The following RTN1 variants were observed in gnomAD, a reference collection of about 807,000 sequenced individuals.
RTN1 encodes reticulon-1.
In RTN1, 25 loss-of-function variants were observed where a neutral mutation model predicts 65.5. The observed-to-expected ratio is 0.38, with a 90% confidence interval of 0.28 to 0.53. RTN1 has a LOEUF of 0.53. Among genes scored for constraint, RTN1 ranks in the 20% least tolerant of loss-of-function variants. The pLI is 0.79. For missense variants in RTN1, 983 were observed against 1,025.4 expected, an observed-to-expected ratio of 0.96 and a Z score of 0.57; for synonymous variants, 471 against 447.6, an observed-to-expected ratio of 1.05 and a Z score of -0.66.
chr14:59,748,743 G>A (rs1231804848), intron 1 of RTN1, among the ~76,000 whole-genome samples: 1 of 151,686 alleles, frequency 6.6e-6, no homozygotes, highest in Non-Finnish European at 1.5e-5. Flanking sequence ...AACAGGGCCT[G>A]ATGAATAGTA....
rs544472237 is a variant in RTN1, at chr14:59,758,411, C to T, written c.242-11930G>A. Among the ~76,000 whole-genome samples the T allele has an allele frequency of 5.9e-5, 9 of 152,300 alleles. No individual in the cohort carries two copies. In the South Asian group the frequency reaches 1.7e-3, roughly 28 times the overall value. ...TCCTCTTCAGCAGGGTCCCAGCCTG[C>T]CTTTAGGGTTTTATTTCTGAGACTG... On this transcript the variant is annotated intron_variant, in intron 1 of 8. Coordinates refer to ENST00000267484, the MANE Select transcript of RTN1 (RefSeq NM_021136.3).
At chr14:59,779,101 G>T (rs868064496) in intron 1 of RTN1, among the ~76,000 whole-genome samples, 29 of 152,074 alleles carry the variant, frequency 1.9e-4, no homozygotes, top group Non-Finnish European at 3.2e-4. Flanking sequence ...TAAGGACCAG[G>T]ACCAGGGAAA....
intron 1 of RTN1, among the ~76,000 whole-genome samples, chr14:59,763,915 A>C (rs964856196): frequency 4.6e-5 from 7 of 152,230 alleles, no homozygotes; most frequent in African/African-American, 1.7e-4. Context: ...TACCTAGGTG[A>C]TGACCAAAAA....
intron 1 of RTN1, among the ~76,000 whole-genome samples, chr14:59,835,733 C>T (rs933731253): frequency 1.3e-5 from 2 of 152,114 alleles, no homozygotes; most frequent in African/African-American, 4.8e-5. Context: ...TATGTTAAGG[C>T]TGTGATTATG....
chr14:59,864,567 G>C (rs55727750), intron 1 of RTN1, among the ~76,000 whole-genome samples: 35,414 of 151,676 alleles, frequency 0.23, 4,479 homozygotes, highest in East Asian at 0.56. Context: ...AAAAAGTATA[G>C]TTTATGGATG....
chr14:59,820,516 G>C (rs912446687), intron 1 of RTN1, among the ~76,000 whole-genome samples: 34 of 151,816 alleles, frequency 2.2e-4, no homozygotes, highest in African/African-American at 8.0e-4. Context: ...TTTTCTTCTA[G>C]GTTTTTATAG....
rs966430316 is a variant in RTN1, at chr14:59,849,758, T to G, written c.241+20632A>C. 2.6e-5 allele frequency among the ~76,000 whole-genome samples: 4 copies of G among 152,220 alleles called. No homozygotes were observed. Among genetic ancestry groups the G allele is most frequent in the Non-Finnish European group, 5.9e-5 (4 of 68,026 alleles). On this transcript the variant is annotated intron_variant, in intron 1 of 8. Coordinates refer to ENST00000267484, the MANE Select transcript of RTN1 (RefSeq NM_021136.3). The surrounding 1 kb of genome is among the most constrained non-coding windows in gnomAD (Gnocchi z 4.5). ...TCATAAACATGTGAATTACAATTTCTAAGGGAAGTAAAGCCAAGAACTCCC... is the reference window on the plus strand; with the variant it reads ...TCATAAACATGTGAATTACAATTTCGAAGGGAAGTAAAGCCAAGAACTCCC...
intron 1 of RTN1, among the ~76,000 whole-genome samples, chr14:59,827,673 T>G (rs1410138959): frequency 6.6e-6 from 1 of 152,174 alleles, no homozygotes; most frequent in Non-Finnish European, 1.5e-5. Context: ...TGCCTATCCC[T>G]CACAAATAAT....
intron 3 of RTN1, among the ~76,000 whole-genome samples, chr14:59,675,978 AT>A (rs1035568288): frequency 6.6e-6 from 1 of 152,006 alleles, no homozygotes; most frequent in Non-Finnish European, 1.5e-5. Flanking sequence ...CCCACTCCCC[AT>A]TTAATGCTGT....
At chr14:59,627,679 C>T (rs1323025715) in intron 3 of RTN1, among the ~76,000 whole-genome samples, 2 of 152,126 alleles carry the variant, frequency 1.3e-5, no homozygotes, top group African/African-American at 2.4e-5. Context: ...GGACTTTAGC[C>T]TCCCTTTCTT....
chr14:59,841,075 A>T (rs915827881), intron 1 of RTN1, among the ~76,000 whole-genome samples: 4 of 152,216 alleles, frequency 2.6e-5, no homozygotes, highest in Admixed American at 2.6e-4. Flanking sequence ...TCTGGATAAT[A>T]ATATATACCT....
Position 59,605,462 on chromosome 14 carries a change from T to C in RTN1, c.2018A>G (p.Gln673Arg). Reference protein sequence around the residue: ...LEITLSQEQIQKYTDCLQFYV... With the variant: ...LEITLSQEQIRKYTDCLQFYV... ...GAACTGCAGGCAGTCCGTGTACTTC[T>C]GAATCTGCTCCTGAGAAAGGGTGAT... The change falls in exon 5 of 9, where the codon CAG (glutamine) becomes CGG (arginine). Residue 673 changes from glutamine to arginine, a missense_variant. Gln to Arg is a conservative substitution (Grantham distance 43, BLOSUM62 1). Coordinates refer to ENST00000267484, the MANE Select transcript of RTN1 (RefSeq NM_021136.3). The C allele has an allele frequency of 1.9e-6, 3 of 1,614,154 alleles. No individual in the cohort carries two copies. Among genetic ancestry groups the C allele is most frequent in the Non-Finnish European group, 2.5e-6 (3 of 1,179,996 alleles).
At chr14:59,701,606 A>G (rs1884179864) in intron 3 of RTN1, among the ~76,000 whole-genome samples, 1 of 152,214 alleles carries the variant, frequency 6.6e-6, no homozygotes, top group Non-Finnish European at 1.5e-5. Flanking sequence ...TTCCATTAAC[A>G]GGAAATTTAA....
At chr14:59,711,717 G>A (rs2139458214) in intron 3 of RTN1, among the ~76,000 whole-genome samples, 1 of 152,282 alleles carries the variant, frequency 6.6e-6, no homozygotes, top group South Asian at 2.1e-4. Context: ...CGTCTACTTG[G>A]GAGAGATAGG....
intron 3 of RTN1, among the ~76,000 whole-genome samples, chr14:59,609,268 G>C (rs1209922709): frequency 6.8e-6 from 1 of 147,536 alleles, no homozygotes; most frequent in Non-Finnish European, 1.5e-5. Flanking sequence ...TGGGAAACAA[G>C]AGCGAAACTC....
intron 3 of RTN1, among the ~76,000 whole-genome samples, chr14:59,721,861 G>C (rs866806153): frequency 3.3e-5 from 5 of 152,176 alleles, no homozygotes; most frequent in Non-Finnish European, 7.3e-5. Flanking sequence ...TCAGGCTAAT[G>C]AGTCTTTACT....
chr14:59,678,022 G>T (rs1883663437), intron 3 of RTN1, among the ~76,000 whole-genome samples: 1 of 152,104 alleles, frequency 6.6e-6, no homozygotes, highest in Admixed American at 6.5e-5. Context: ...AGGCATTTTA[G>T]AAAAATAAAT....
chr14:59,668,407 A>C (rs1272593344), intron 3 of RTN1, among the ~76,000 whole-genome samples: 2 of 152,230 alleles, frequency 1.3e-5, no homozygotes, highest in African/African-American at 2.4e-5. Context: ...CACATGTAGA[A>C]AGCTGAAACT....
In RTN1 at chr14:59,727,361, C is replaced by A. The variant is rs1327764292; in HGVS notation, c.1323G>T (p.Pro441=). ...GGATGGATGGCGAGGCGGGCGAGGG[C>A]GGCGGGCCGCCCACGTGGCCAAAGC... is the stretch of plus-strand genomic sequence containing the variant. ...YVSFGHVGGP[P]PSPASPSIQY... The change falls in exon 3 of 9, where the codon CCG becomes CCT. Residue 441 remains proline, a synonymous_variant. Transcript: ENST00000267484. This position sits in a 1 kb window ranked among gnomAD's most constrained non-coding sequence, Gnocchi z 4.2. 6.6e-7 allele frequency: 1 copy of A among 1,508,882 alleles called. No individual in the cohort carries two copies. The highest frequency in any genetic ancestry group is 8.9e-7 in the Non-Finnish European group (1 of 1,128,034). 93.5% of individuals were successfully genotyped at this position (1,508,882 alleles called of 1,614,324 possible).
Sources: gnomAD v4.1 joint callset for allele counts (sites outside exome capture counted in the v4.1 genomes callset) on GRCh38, gnomAD v4.1.1 for gene constraint, Gnocchi (gnomAD v3.1) non-coding constraint, MANE v1.5 for transcripts, NCBI Gene and HGNC (gene_info 2026-07-23, HGNC 2026-07-21) for gene names.